SLCO1B3: variants seen among roughly 807,000 people sequenced by gnomAD.
The protein encoded by SLCO1B3 is solute carrier organic anion transporter family member 1B3.
Under a neutral mutation model 71.8 loss-of-function variants are expected in SLCO1B3, and 72 were observed. That is an observed-to-expected ratio of 1.00 (90% CI 0.83 to 1.22). The LOEUF (loss-of-function observed/expected upper bound fraction) is 1.22, where lower values mean the gene tolerates loss of function less well. Ranked by LOEUF, SLCO1B3 falls within the 50% of genes most tolerant of loss-of-function variation. The probability of loss-of-function intolerance (pLI) is 0.00; values close to 1 mark genes in which losing one functional copy is unlikely to be tolerated. For missense variants in SLCO1B3, 911 were observed against 819.7 expected, an observed-to-expected ratio of 1.11 and a Z score of -1.36; for synonymous variants, 298 against 278.4, an observed-to-expected ratio of 1.07 and a Z score of -0.70.
At chr12:20,812,653 T>G (rs955070598) in intron 1 of SLCO1B3, among the ~76,000 whole-genome samples, 1 of 152,194 alleles carries the variant, frequency 6.6e-6, no homozygotes, top group African/African-American at 2.4e-5. Flanking sequence ...GTTTTATTTT[T>G]GTTGTAAGAG....
At chr12:20,875,150 G>A (rs748662675) in intron 8 of SLCO1B3, 85 bp from the exon 9 acceptor site, 30 of 1,444,672 alleles carry the variant, frequency 2.1e-5, no homozygotes, top group Non-Finnish European at 2.4e-5. Context: ...CATCTATGGA[G>A]GACTGCAATC....
chr12:20,851,549 C>G (rs1865025516), intron 3 of SLCO1B3, among the ~76,000 whole-genome samples: 1 of 152,044 alleles, frequency 6.6e-6, no homozygotes, highest in South Asian at 2.1e-4. Context: ...GCAGAAGTTA[C>G]TTATATATTC....
intron 3 of SLCO1B3, among the ~76,000 whole-genome samples, chr12:20,818,028 A>C (rs925602615): frequency 1.6e-4 from 24 of 152,078 alleles, no homozygotes; most frequent in African/African-American, 5.8e-4. Context: ...GGTGAATAGG[A>C]GTATGACTAG....
chr12:20,875,953 T>C (rs917213890), intron 9 of SLCO1B3, among the ~76,000 whole-genome samples: 6 of 152,006 alleles, frequency 3.9e-5, no homozygotes, highest in Non-Finnish European at 8.8e-5. Flanking sequence ...TGGTAGGTTA[T>C]ATTTAACTAT....
At chr12:20,833,393 A>G (rs889341453) in intron 3 of SLCO1B3, among the ~76,000 whole-genome samples, 3 of 150,600 alleles carry the variant, frequency 2.0e-5, no homozygotes, top group African/African-American at 4.9e-5. Flanking sequence ...TATATTCTCC[A>G]TATATATGAA....
At chr12:20,901,310 C>T in intron 14 of SLCO1B3, 40 bp from the exon 15 acceptor site, 1 of 1,189,258 alleles carries the variant, frequency 8.4e-7, no homozygotes, top group Non-Finnish European at 1.2e-6. Flanking sequence ...ACATTTGAAG[C>T]ATTTCACTTG....
chr12:20,848,152 C>G (rs1005542047), intron 3 of SLCO1B3, among the ~76,000 whole-genome samples: 4 of 152,000 alleles, frequency 2.6e-5, no homozygotes, highest in African/African-American at 7.2e-5. Flanking sequence ...GATAAGAAAA[C>G]AGCCAATTAT....
chr12:20,899,985 A>C (rs1465589178), intron 14 of SLCO1B3, among the ~76,000 whole-genome samples: 2 of 152,322 alleles, frequency 1.3e-5, no homozygotes, highest in South Asian at 2.1e-4. Context: ...GTATTAAACT[A>C]AAAGAGGTAT....
At chr12:20,866,331 C>A (rs1047146864) in intron 8 of SLCO1B3, among the ~76,000 whole-genome samples, 1 of 152,086 alleles carries the variant, frequency 6.6e-6, no homozygotes, top group African/African-American at 2.4e-5. Flanking sequence ...CAACATGAAG[C>A]CTCACTGCAG....
chr12:20,880,592 A>G (rs934492399), intron 11 of SLCO1B3, among the ~76,000 whole-genome samples: 11 of 151,990 alleles, frequency 7.2e-5, no homozygotes, highest in Admixed American at 6.6e-4. Context: ...TTTAATTTTT[A>G]CTTTTTCTAG....
At chr12:20,881,674 G>C (rs1234830810) in intron 12 of SLCO1B3, among the ~76,000 whole-genome samples, 2 of 151,560 alleles carry the variant, frequency 1.3e-5, no homozygotes, top group Non-Finnish European at 1.5e-5. Context: ...TAACTCAAAG[G>C]CTTTTTTTTT....
chr12:20,855,628 T>C (rs1339248709), intron 4 of SLCO1B3, among the ~76,000 whole-genome samples: 1 of 149,872 alleles, frequency 6.7e-6, no homozygotes, highest in Non-Finnish European at 1.5e-5. Context: ...TTCTACTGTT[T>C]AACTGTGTAC....
At chr12:20,840,300 G>A (rs1326494639) in intron 3 of SLCO1B3, among the ~76,000 whole-genome samples, 6 of 152,166 alleles carry the variant, frequency 3.9e-5, no homozygotes, top group South Asian at 2.1e-4. Flanking sequence ...GGCACAGTCC[G>A]GAGAAGAGGC....
chr12:20,880,710 A>C, intron 11 of SLCO1B3, 145 bp from the exon 12 acceptor site: 1 of 518,132 alleles, frequency 1.9e-6, no homozygotes, highest in Non-Finnish European at 3.1e-6. Context: ...ATTAAAGGAA[A>C]ACCCTTTCTC....
chr12:20,841,372 T>A (rs1864798001), intron 3 of SLCO1B3, among the ~76,000 whole-genome samples: 1 of 152,180 alleles, frequency 6.6e-6, no homozygotes, highest in African/African-American at 2.4e-5. Flanking sequence ...ACTTATCTCA[T>A]GTCTTATCAG....
intron 3 of SLCO1B3, among the ~76,000 whole-genome samples, chr12:20,835,537 G>A (rs903511024): frequency 1.3e-5 from 2 of 152,094 alleles, no homozygotes; most frequent in Non-Finnish European, 2.9e-5. Flanking sequence ...TAGGGCAGAG[G>A]CAAAATTCTG....
At chr12:20,825,798 CAAA>C (rs3060437) in intron 3 of SLCO1B3, among the ~76,000 whole-genome samples, 49 of 86,210 alleles carry the variant, frequency 5.7e-4, no homozygotes, top group Admixed American at 8.5e-4. Flanking sequence ...GACTCTGTCT[CAAA>C]AAAAAAAAAA....
Position 20,877,801 on chromosome 12 carries a change from A to T in SLCO1B3, c.1000A>T (p.Thr334Ser), listed in dbSNP as rs779052779. 1 of 1,508,724 alleles carries T rather than the reference A, an allele frequency of 6.6e-7. No homozygotes were observed. The highest frequency in any genetic ancestry group is 8.9e-7 in the Non-Finnish European group (1 of 1,127,464). 93.5% of individuals were successfully genotyped at this position (1,508,724 alleles called of 1,614,324 possible). Reference protein sequence around the residue: ...GFFQSLKSILTNPLYVIFLLL... With the variant: ...GFFQSLKSILSNPLYVIFLLL... The stretch of plus-strand genomic sequence containing the variant: ...TTTCCAGTCTTTGAAAAGCATCCTT[A>T]CCAATCCCCTGTATGTTATATTTCT... Residue 334 changes from threonine to serine, a missense_variant, in exon 10 of 16, where the codon ACC becomes TCC. Physicochemically the swap from Thr to Ser is moderately conservative, Grantham distance 58 (BLOSUM62 1). Coordinates refer to ENST00000381545, the MANE Select transcript of SLCO1B3 (RefSeq NM_019844.4).
chr12:20,834,529 A>T (rs778763641), intron 3 of SLCO1B3, among the ~76,000 whole-genome samples: 2 of 148,366 alleles, frequency 1.3e-5, no homozygotes, highest in African/African-American at 2.5e-5. Flanking sequence ...CTATATTTAT[A>T]TATAATATAT....
Sources: allele counts gnomAD v4.1 joint callset (sites outside exome capture counted in the v4.1 genomes callset), GRCh38; gene constraint gnomAD v4.1.1; transcripts MANE v1.5; gene names NCBI Gene and HGNC (gene_info 2026-07-23, HGNC 2026-07-21).